The following CLASP2 variants were observed in gnomAD, a reference collection of about 807,000 sequenced individuals.
CLASP2 encodes cytoplasmic linker associated protein 2.
A neutral mutation model predicts 194.4 loss-of-function variants in CLASP2; 47 were observed. The ratio of observed to expected loss-of-function variants is 0.24; its 90% CI spans 0.19 to 0.31. CLASP2 has a LOEUF of 0.31. Among genes scored for constraint, CLASP2 ranks in the 10% least tolerant of loss-of-function variants. The pLI, the probability that CLASP2 is intolerant of heterozygous loss-of-function variation, is 1.00. For synonymous variants in CLASP2, 619 were observed against 633.5 expected (o/e 0.98, Z 0.34); for missense variants, 1,445 against 1,823.6 (o/e 0.79, Z 3.78).
rs1477330434 is a variant in CLASP2 at position 33,544,736 on chromosome 3, G to T, written c.3259C>A (p.Leu1087Ile). 1 of 1,613,236 alleles carries T rather than the reference G, an allele frequency of 6.2e-7. No homozygotes were observed. Among genetic ancestry groups the T allele is most frequent in the Non-Finnish European group, 8.5e-7 (1 of 1,179,546 alleles). Residue 1087 changes from leucine to isoleucine, a missense_variant, in exon 31 of 39, where the codon CTT becomes ATT. By Grantham distance (5) the Leu-to-Ile change is conservative (BLOSUM62 2). Coordinates refer to ENST00000682230, the MANE Select transcript of CLASP2 (RefSeq NM_001365631.1). ...KTFQDGATKL[L>I]HNHLRNTGNG... is the part of the protein sequence containing the mutation. Reference sequence around the variant, plus strand: ...CCAGTGTTTCGAAGGTGATTATGAAGAAGCTTGGTAGCACCATCCTGAAAA... The same window carrying T: ...CCAGTGTTTCGAAGGTGATTATGAATAAGCTTGGTAGCACCATCCTGAAAA...
intron 21 of CLASP2, among the ~76,000 whole-genome samples, chr3:33,585,174 T>C (rs1020967449): frequency 9.2e-5 from 14 of 152,192 alleles, no homozygotes; most frequent in African/African-American, 2.9e-4. Context: ...TAAGACACTA[T>C]GTTTAATAAG....
At chr3:33,628,654 G>A (rs1478397485) in intron 9 of CLASP2, among the ~76,000 whole-genome samples, 1 of 152,132 alleles carries the variant, frequency 6.6e-6, no homozygotes, top group Admixed American at 6.6e-5. Flanking sequence ...ACATCTGAAA[G>A]GGGGTGTCAG....
chr3:33,575,434 G>A (rs554620830), intron 24 of CLASP2, among the ~76,000 whole-genome samples: 1 of 151,948 alleles, frequency 6.6e-6, no homozygotes, highest in East Asian at 1.9e-4. Flanking sequence ...ACAAAGATGA[G>A]GCCTCTTACA....
chr3:33,556,007 A>G (rs2060857121), intron 29 of CLASP2, among the ~76,000 whole-genome samples: 1 of 152,232 alleles, frequency 6.6e-6, no homozygotes, highest in African/African-American at 2.4e-5. Flanking sequence ...GCAAACATGC[A>G]TTCTTTTTCA....
chr3:33,523,033 G>A lies in CLASP2; in HGVS notation c.3788-5859C>T, dbSNP rs148468982. On this transcript the variant is annotated intron_variant, in intron 34 of 38. Coordinates refer to ENST00000682230, the MANE Select transcript of CLASP2 (RefSeq NM_001365631.1). Reference sequence around the variant, plus strand: ...GGAGCTTGCAGTAAGCTGAGATCGCGCCACTGCACTCCAGCCTGGGAGCCA... The same window carrying A: ...GGAGCTTGCAGTAAGCTGAGATCGCACCACTGCACTCCAGCCTGGGAGCCA... Among the ~76,000 whole-genome samples the A allele has an allele frequency of 2.4e-3, 364 of 152,198 alleles. 2 individuals are homozygous for A. The highest frequency in any genetic ancestry group is 8.5e-3 in the African/African-American group (353 of 41,534).
chr3:33,669,389 T>C (rs891170400), intron 6 of CLASP2, among the ~76,000 whole-genome samples: 2 of 152,118 alleles, frequency 1.3e-5, no homozygotes, highest in African/African-American at 4.8e-5. Context: ...CACAGAAATT[T>C]CTACTCATAA....
At chr3:33,559,146 A>C in intron 29 of CLASP2, 161 bp downstream of exon 29, 1 of 697,968 alleles carries the variant, frequency 1.4e-6, no homozygotes, top group Non-Finnish European at 2.6e-6. Flanking sequence ...AAAAAGAGTG[A>C]AGCTGGTCCC....
At chr3:33,531,576 G>T (rs2056310679) in intron 34 of CLASP2, among the ~76,000 whole-genome samples, 1 of 152,172 alleles carries the variant, frequency 6.6e-6, no homozygotes. Flanking sequence ...AGGAGTTCGA[G>T]ACCAGCCTGA....
At chr3:33,659,448 A>G in intron 7 of CLASP2, 2 of 975,586 alleles carry the variant, frequency 2.1e-6, no homozygotes, top group Non-Finnish European at 2.4e-6. Context: ...CAATCACATG[A>G]TCTGATGGAT....
At chr3:33,671,125 T>C (rs762971579) in intron 6 of CLASP2, among the ~76,000 whole-genome samples, 2 of 152,108 alleles carry the variant, frequency 1.3e-5, no homozygotes, top group Non-Finnish European at 2.9e-5. Flanking sequence ...CAGCCCACTC[T>C]AGCTAGCCAT....
chr3:33,664,924 A>C, intron 6 of CLASP2, among the ~76,000 whole-genome samples: 1 of 151,860 alleles, frequency 6.6e-6, no homozygotes, highest in East Asian at 1.9e-4. Context: ...ACATGGCAAA[A>C]CACACATCCC....
intron 6 of CLASP2, 118 bp from the exon 7 acceptor site, chr3:33,663,633 T>C: frequency 3.0e-6 from 2 of 663,236 alleles, no homozygotes; most frequent in East Asian, 2.7e-5. Flanking sequence ...GCTAGTTTTC[T>C]ATACAACTCT....
intron 21 of CLASP2, among the ~76,000 whole-genome samples, chr3:33,586,950 G>A (rs1330269881): frequency 6.6e-6 from 1 of 152,074 alleles, no homozygotes; most frequent in East Asian, 1.9e-4. Flanking sequence ...AAAGTGAGAG[G>A]TGACTTTTTA....
intron 29 of CLASP2, among the ~76,000 whole-genome samples, chr3:33,552,186 T>G (rs1416000847): frequency 6.6e-6 from 1 of 150,718 alleles, no homozygotes; most frequent in Non-Finnish European, 1.5e-5. Context: ...TGGTGCGATC[T>G]CGGCTCACTG....
At chr3:33,695,068 T>G (rs1362559683) in intron 2 of CLASP2, among the ~76,000 whole-genome samples, 3 of 151,534 alleles carry the variant, frequency 2.0e-5, no homozygotes, top group South Asian at 2.1e-4. Flanking sequence ...CTATAGTTTT[T>G]TTTTTTTTTT....
chr3:33,666,211 T>C (rs1166852144), intron 6 of CLASP2, among the ~76,000 whole-genome samples: 4 of 152,204 alleles, frequency 2.6e-5, no homozygotes, highest in South Asian at 4.1e-4. Flanking sequence ...TGAGGTAGAA[T>C]TCAATACCAT....
intron 19 of CLASP2, among the ~76,000 whole-genome samples, chr3:33,596,134 TATC>T (rs769273849): frequency 6.6e-6 from 1 of 151,852 alleles, no homozygotes; most frequent in African/African-American, 2.4e-5. Context: ...AGACAAAAAA[TATC>T]ATACAGGGTT....
In CLASP2 at chr3:33,622,263, T is replaced by C. The variant is rs2077230086; in HGVS notation, c.1053A>G (p.Ser351=). 6.7e-7 allele frequency: 1 copy of C among 1,486,210 alleles called. No individual in the cohort carries two copies. The highest frequency in any genetic ancestry group is 2.5e-5 in the East Asian group (1 of 40,700). The allele number at this position is 1,486,210 out of a possible 1,614,324, so 92.1% of individuals were successfully genotyped here. Residue 351 remains serine (S), a synonymous_variant, in exon 11 of 39, where the codon TCA becomes TCG. Transcript: ENST00000682230. ...QRANALKKIR[S]LLVAGAAQYD... is the part of the protein sequence containing the mutation. ...ACTGTGCAGCTCCAGCAACAAGCAGTGATCGAATTTTCTTCAGCTGAAATA... is the reference window on the plus strand; with the variant it reads ...ACTGTGCAGCTCCAGCAACAAGCAGCGATCGAATTTTCTTCAGCTGAAATA...
intron 20 of CLASP2, among the ~76,000 whole-genome samples, chr3:33,593,117 A>G (rs533394741): frequency 7.6e-4 from 115 of 152,150 alleles, no homozygotes; most frequent in Non-Finnish European, 1.2e-3. Flanking sequence ...TTCTTTTCAT[A>G]CCTCCCGAAC....
Sources: gnomAD v4.1 joint callset for allele counts (sites outside exome capture counted in the v4.1 genomes callset) on GRCh38, gnomAD v4.1.1 for gene constraint, MANE v1.5 for transcripts, NCBI Gene and HGNC (gene_info 2026-07-23, HGNC 2026-07-21) for gene names.